Variants in STXBP4 observed in about 807,000 individuals in gnomAD.
STXBP4 encodes syntaxin binding protein 4, also known as syntaxin-binding protein 4.
In STXBP4, 55 loss-of-function variants were observed where a neutral mutation model predicts 76.1. The ratio of observed to expected loss-of-function variants is 0.72; its 90% CI spans 0.58 to 0.91. The LOEUF (loss-of-function observed/expected upper bound fraction) is 0.91. STXBP4 is among the 40% of genes least tolerant of loss of function. The probability of loss-of-function intolerance (pLI) is 0.00; values close to 1 mark genes in which losing one functional copy is unlikely to be tolerated. For synonymous variants in STXBP4, 201 were observed against 220.2 expected (o/e 0.91, Z 0.77); for missense variants, 618 against 636.9 (o/e 0.97, Z 0.32).
intron 8 of STXBP4, among the ~76,000 whole-genome samples, chr17:55,020,238 C>T (rs1465447842): frequency 6.6e-6 from 1 of 152,172 alleles, no homozygotes; most frequent in Non-Finnish European, 1.5e-5. Flanking sequence ...ATTTTCAACT[C>T]TTTCTTCTAC....
At chr17:54,971,450 G>C (rs1225272509) in intron 1 of STXBP4, among the ~76,000 whole-genome samples, 1 of 152,186 alleles carries the variant, frequency 6.6e-6, no homozygotes, top group African/African-American at 2.4e-5. Flanking sequence ...ACATAGATTG[G>C]AGTAAATGAG....
chr17:55,000,974 G>T lies in STXBP4; in HGVS notation c.574+91G>T, dbSNP rs546171926. The T allele has an allele frequency of 4.0e-4, 328 of 825,136 alleles. 3 individuals carry two copies. The South Asian group carries it at 4.3e-3, about 11-fold the overall frequency. 51.1% of individuals were successfully genotyped at this position (825,136 alleles called of 1,614,324 possible). ...AATGTGACTTAAGACTTTGAAGAAGGGTGAATTATGTCTTTGTTCCTTCAG... is the reference window on the plus strand; with the variant it reads ...AATGTGACTTAAGACTTTGAAGAAGTGTGAATTATGTCTTTGTTCCTTCAG... On this transcript the variant is annotated intron_variant, in intron 7 of 17. Coordinates refer to ENST00000376352, the MANE Select transcript of STXBP4 (RefSeq NM_178509.6).
chr17:55,052,485 A>C (rs1451229715), intron 12 of STXBP4, among the ~76,000 whole-genome samples: 3 of 152,186 alleles, frequency 2.0e-5, no homozygotes, highest in Non-Finnish European at 4.4e-5. Context: ...TGGTAATTGC[A>C]GAGAAGCTGC....
rs533280053 is a variant in STXBP4 at position 55,169,900 on chromosome 17, A to G, written c.*9989A>G. On this transcript the variant is annotated 3_prime_UTR_variant, in exon 18 of 18. Coordinates refer to ENST00000376352, the MANE Select transcript of STXBP4 (RefSeq NM_178509.6). The stretch of plus-strand genomic sequence containing the variant: ...ACCTTTAAGGCTGTGGACAATGCAA[A>G]CTCCCTCATGTACCTTGCTCCTTGC... 1 of 152,194 alleles carries G rather than the reference A, an allele frequency of 6.6e-6. No individual in the cohort carries two copies. The highest frequency in any genetic ancestry group is 2.4e-5 in the African/African-American group (1 of 41,516). The allele number at this position is 152,194 out of a possible 1,614,324, so 9.4% of individuals were successfully genotyped here.
intron 8 of STXBP4, among the ~76,000 whole-genome samples, chr17:55,026,091 C>G (rs1404096734): frequency 1.3e-5 from 2 of 152,014 alleles, no homozygotes; most frequent in East Asian, 3.9e-4. Context: ...AAACTACAAA[C>G]CATCATTGAA....
chr17:55,210,941 G>A, the STXBP4 span, among the ~76,000 whole-genome samples: 29 of 152,300 alleles, frequency 1.9e-4, no homozygotes, highest in Middle Eastern at 3.4e-3. Flanking sequence ...TAAAGATTAT[G>A]TCTAATTAAT....
chr17:55,141,235 G>A, intron 16 of STXBP4, 75 bp from the exon 17 acceptor site: 2 of 1,175,842 alleles, frequency 1.7e-6, no homozygotes, highest in Non-Finnish European at 2.5e-6. Context: ...GTAAAGATGA[G>A]GGAGGTTTGT....
Position 55,163,779 on chromosome 17 carries a change from C to CTTAAATTTGAAAAATTAAATTTGAAA in STXBP4, c.*3868_*3869insTTAAATTTGAAAAATTAAATTTGAAA, listed in dbSNP as rs2080357498. On this transcript the variant is annotated 3_prime_UTR_variant, in exon 18 of 18. Coordinates refer to ENST00000376352, the MANE Select transcript of STXBP4 (RefSeq NM_178509.6). ...GAACCCCTGAAGAGCAACCCTTTAC[C>CTTAAATTTGAAAAATTAAATTTGAAA]ACTCTCTTAAATTTGAAAAATTCCA... The CTTAAATTTGAAAAATTAAATTTGAAA allele has an allele frequency of 6.6e-6, 1 of 152,226 alleles. No homozygotes were observed. Among genetic ancestry groups the CTTAAATTTGAAAAATTAAATTTGAAA allele is most frequent in the Admixed American group, 6.6e-5 (1 of 15,256 alleles). The allele number at this position is 152,226 out of a possible 1,614,324, so 9.4% of individuals were successfully genotyped here.
At chr17:55,077,459 A>G (rs2079196969) in intron 13 of STXBP4, among the ~76,000 whole-genome samples, 2 of 152,114 alleles carry the variant, frequency 1.3e-5, no homozygotes, top group African/African-American at 4.8e-5. Context: ...CAACATCAAA[A>G]CACTGTTTAC....
At chr17:55,022,679 C>T (rs941022785) in intron 8 of STXBP4, among the ~76,000 whole-genome samples, 1 of 152,042 alleles carries the variant, frequency 6.6e-6, no homozygotes, top group Non-Finnish European at 1.5e-5. Context: ...TAAACTGAGA[C>T]ATGAAGCGTG....
the STXBP4 span, among the ~76,000 whole-genome samples, chr17:55,185,562 CAAAATG>C: frequency 6.6e-6 from 1 of 151,928 alleles, no homozygotes; most frequent in Non-Finnish European, 1.5e-5. Flanking sequence ...TATATTATTT[CAAAATG>C]AAAATGAAAA....
At chr17:55,110,548 A>G (rs1041622941) in intron 16 of STXBP4, among the ~76,000 whole-genome samples, 9 of 152,212 alleles carry the variant, frequency 5.9e-5, no homozygotes, top group African/African-American at 1.9e-4. Context: ...TGGGGGATAT[A>G]TGAACAATAA....
rs2145219289 is a variant in STXBP4 at position 55,173,414 on chromosome 17, T to C, written c.*13503T>C. The C allele has an allele frequency of 6.6e-6, 1 of 152,352 alleles. No homozygotes were observed. Among genetic ancestry groups the C allele is most frequent in the East Asian group, 1.9e-4 (1 of 5,194 alleles). The allele number at this position is 152,352 out of a possible 1,614,324, so 9.4% of individuals were successfully genotyped here. On this transcript the variant is annotated 3_prime_UTR_variant, in exon 18 of 18. Transcript: ENST00000376352. ...CTTTTCGAGAATATCATATAAATAA[T>C]CATGTATTATGTAACATTCTGAGAC...
chr17:55,120,696 G>A (rs1425728421), intron 16 of STXBP4, among the ~76,000 whole-genome samples: 2 of 152,216 alleles, frequency 1.3e-5, no homozygotes, highest in Non-Finnish European at 2.9e-5. Context: ...GCAGAGCATT[G>A]AGTATTTTGT....
chr17:55,072,243 T>C (rs2079128845), intron 12 of STXBP4, among the ~76,000 whole-genome samples: 1 of 152,190 alleles, frequency 6.6e-6, no homozygotes, highest in Admixed American at 6.5e-5. Flanking sequence ...TGAAATGTTT[T>C]TTAGTAATGT....
At chr17:55,154,518 GTTCT>G (rs2080255531) in intron 17 of STXBP4, among the ~76,000 whole-genome samples, 1 of 152,126 alleles carries the variant, frequency 6.6e-6, no homozygotes, top group Non-Finnish European at 1.5e-5. Context: ...AGTAGGACAT[GTTCT>G]TTGTTTTTTT....
chr17:54,998,094 A>C (rs539400591), intron 4 of STXBP4, among the ~76,000 whole-genome samples: 3 of 152,134 alleles, frequency 2.0e-5, no homozygotes, highest in Non-Finnish European at 4.4e-5. Flanking sequence ...AAGAGATAGT[A>C]CTTCATGTCT....
intron 4 of STXBP4, among the ~76,000 whole-genome samples, chr17:54,992,527 CAA>C (rs983779562): frequency 3.4e-5 from 5 of 148,796 alleles, no homozygotes; most frequent in Admixed American, 6.7e-5. Flanking sequence ...TTCAAAAAAA[CAA>C]AAAAATGAAT....
At chr17:54,985,997 A>G (rs2077621419) in intron 2 of STXBP4, 145 bp from the exon 3 acceptor site, 1 of 519,162 alleles carries the variant, frequency 1.9e-6, no homozygotes, top group Admixed American at 4.0e-5. Context: ...ATGCCATAAC[A>G]CAAAATACAT....
Sources: allele counts gnomAD v4.1 joint callset (sites outside exome capture counted in the v4.1 genomes callset), GRCh38; gene constraint gnomAD v4.1.1; transcripts MANE v1.5; gene names NCBI Gene and HGNC (gene_info 2026-07-23, HGNC 2026-07-21).